Variants in RNF111 observed in about 807,000 individuals in gnomAD.
The protein encoded by RNF111 is ring finger protein 111, also known as E3 ubiquitin-protein ligase Arkadia.
Under a neutral mutation model 95.1 loss-of-function variants are expected in RNF111, and 17 were observed. The ratio of observed to expected loss-of-function variants is 0.18; its 90% CI spans 0.12 to 0.27. The LOEUF (loss-of-function observed/expected upper bound fraction) is 0.27. Ranked by LOEUF, RNF111 falls within the 10% of genes least tolerant of loss-of-function variation. The pLI is 1.00. For missense variants in RNF111, 1,189 were observed against 1,210.4 expected (o/e 0.98, Z 0.26); for synonymous variants, 440 against 414.8 (o/e 1.06, Z -0.74).
At chr15:59,012,388 C>T (rs1459248504) in intron 1 of RNF111, among the ~76,000 whole-genome samples, 1 of 152,024 alleles carries the variant, frequency 6.6e-6, no homozygotes. Flanking sequence ...GCCTTTAGTG[C>T]TTTGAAGTAC....
At chr15:59,022,565 A>G (rs542095995) in intron 1 of RNF111, among the ~76,000 whole-genome samples, 1 of 152,300 alleles carries the variant, frequency 6.6e-6, no homozygotes, top group Non-Finnish European at 1.5e-5. Context: ...ATCTCCTCAC[A>G]TGGCTATCCC....
chr15:59,095,156 T>G lies in RNF111; in HGVS notation c.*256T>G. 2.8e-6 allele frequency: 1 copy of G among 363,026 alleles called. No homozygotes were observed. The highest frequency in any genetic ancestry group is 2.7e-5 in the South Asian group (1 of 36,852). 22.5% of individuals were successfully genotyped at this position (363,026 alleles called of 1,614,324 possible). A position where few individuals can be genotyped will look rare whatever the true frequency, so the allele number is the denominator to read the frequency against. On this transcript the variant is annotated 3_prime_UTR_variant, in exon 14 of 14. Coordinates refer to ENST00000348370, the MANE Select transcript of RNF111 (RefSeq NM_017610.8). ...CTGTATTTTTGCATGGTTCCTTGTATTGCATTTCTTTGCACATATTATGGG... is the reference window on the plus strand; with the variant it reads ...CTGTATTTTTGCATGGTTCCTTGTAGTGCATTTCTTTGCACATATTATGGG...
At chr15:59,075,810 T>C in intron 6 of RNF111, 144 bp from the exon 7 acceptor site, 1 of 831,674 alleles carries the variant, frequency 1.2e-6, no homozygotes, top group South Asian at 1.8e-5. Flanking sequence ...TGGTGCTCAC[T>C]GGTTCTTCAT....
chr15:59,076,209 C>T lies in RNF111; in HGVS notation c.1942C>T (p.Pro648Ser). The change falls in exon 7 of 14, where the codon CCC becomes TCC. Residue 648 changes from proline (P) to serine (S), a missense_variant. Physicochemically the swap from Pro to Ser is moderately conservative, Grantham distance 74 (BLOSUM62 -1). Coordinates refer to ENST00000348370, the MANE Select transcript of RNF111 (RefSeq NM_017610.8). ...SLSSCRHYMP[P>S]PYASLTRPLH... ...CTCATCATGTCGACATTACATGCCA[C>T]CCCCTTGTAAGTATATACTTAGTGG... 1 of 1,613,084 alleles carries T rather than the reference C, an allele frequency of 6.2e-7. No individual in the cohort carries two copies. Among genetic ancestry groups the T allele is most frequent in the Non-Finnish European group, 8.5e-7 (1 of 1,179,880 alleles).
At chr15:59,000,160 TC>T (rs2039259344) in intron 1 of RNF111, among the ~76,000 whole-genome samples, 1 of 137,508 alleles carries the variant, frequency 7.3e-6, no homozygotes, top group East Asian at 2.2e-4. Context: ...ATTTTTTTTT[TC>T]CCTTTTTTTT....
rs1375451126 is a variant in RNF111 at position 59,095,335 on chromosome 15, G to A, written c.*435G>A. 2 of 168,842 alleles carry A rather than the reference G, an allele frequency of 1.2e-5. No homozygotes were observed. The highest frequency in any genetic ancestry group is 1.3e-5 in the Non-Finnish European group (1 of 79,682). The allele number at this position is 168,842 out of a possible 1,614,324, so 10.5% of individuals were successfully genotyped here. ...AATCAATCATGTACTTTAGTTTAAT[G>A]TATAAAGATCCTCTAGAAAATGATA... On this transcript the variant is annotated 3_prime_UTR_variant, in exon 14 of 14. Transcript: ENST00000348370.
chr15:59,017,183 A>G (rs2040108880), intron 1 of RNF111, among the ~76,000 whole-genome samples: 2 of 148,212 alleles, frequency 1.3e-5, no homozygotes, highest in Non-Finnish European at 3.0e-5. Flanking sequence ...ATTGTCTTCT[A>G]CGAATCCGTT....
At chr15:59,060,510 C>T (rs2042388155) in intron 5 of RNF111, among the ~76,000 whole-genome samples, 2 of 152,066 alleles carry the variant, frequency 1.3e-5, no homozygotes, top group African/African-American at 4.8e-5. Flanking sequence ...GTGACACACA[C>T]CTTTAGTGCC....
intron 2 of RNF111, among the ~76,000 whole-genome samples, chr15:59,042,209 C>G (rs1031596469): frequency 3.3e-5 from 5 of 152,064 alleles, no homozygotes; most frequent in Non-Finnish European, 7.4e-5. Context: ...TCATTGCAAC[C>G]TCAGCCTCCC....
At chr15:59,054,113 A>G (rs543759429) in intron 3 of RNF111, among the ~76,000 whole-genome samples, 2 of 151,684 alleles carry the variant, frequency 1.3e-5, no homozygotes, top group African/African-American at 2.4e-5. Context: ...TTTTTTTTGT[A>G]TTTTTAGTAG....
At chr15:59,009,263 A>G (rs367819366) in intron 1 of RNF111, among the ~76,000 whole-genome samples, 26 of 151,934 alleles carry the variant, frequency 1.7e-4, no homozygotes, top group African/African-American at 5.5e-4. Flanking sequence ...CTGGCCACGT[A>G]TTTTACTTTT....
intron 1 of RNF111, among the ~76,000 whole-genome samples, chr15:59,002,007 G>A (rs1350361311): frequency 6.6e-6 from 1 of 152,210 alleles, no homozygotes; most frequent in Non-Finnish European, 1.5e-5. Context: ...TTCTTGTGAT[G>A]ACGGAAAATG....
intron 1 of RNF111, among the ~76,000 whole-genome samples, chr15:59,011,006 T>C (rs2039776109): frequency 6.6e-6 from 1 of 152,212 alleles, no homozygotes; most frequent in Non-Finnish European, 1.5e-5. Context: ...GTCATCGTTC[T>C]AGACAGATAG....
At chr15:59,046,183 CTTT>C (rs34047420) in intron 2 of RNF111, among the ~76,000 whole-genome samples, 1 of 142,950 alleles carries the variant, frequency 7.0e-6, no homozygotes. Context: ...CTATTTGCTG[CTTT>C]TTTTTTTTTT....
chr15:59,028,171 C>T (rs1567224248), intron 1 of RNF111, among the ~76,000 whole-genome samples: 1 of 152,158 alleles, frequency 6.6e-6, no homozygotes, highest in East Asian at 1.9e-4. Context: ...GATCCCCAGC[C>T]CTAGGTAACC....
At chr15:59,016,779 G>A (rs532120111) in intron 1 of RNF111, among the ~76,000 whole-genome samples, 1 of 152,258 alleles carries the variant, frequency 6.6e-6, no homozygotes, top group South Asian at 2.1e-4. Flanking sequence ...CCATGTACCA[G>A]TAGGTGAGTG....
intron 2 of RNF111, among the ~76,000 whole-genome samples, chr15:59,052,024 A>G (rs758515769): frequency 6.6e-6 from 1 of 152,168 alleles, no homozygotes; most frequent in Non-Finnish European, 1.5e-5. Context: ...TCTATATAAG[A>G]TCTTACAAAT....
At chr15:59,009,839 C>G (rs770497599) in intron 1 of RNF111, among the ~76,000 whole-genome samples, 1 of 152,064 alleles carries the variant, frequency 6.6e-6, no homozygotes, top group Non-Finnish European at 1.5e-5. Flanking sequence ...GTCTCTAGTC[C>G]CAGTTACCTG....
At chr15:59,027,721 T>A (rs1002124829) in intron 1 of RNF111, among the ~76,000 whole-genome samples, 3 of 142,422 alleles carry the variant, frequency 2.1e-5, no homozygotes, top group African/African-American at 7.9e-5. Flanking sequence ...TAAGACAGGG[T>A]TTCTTTTCAC....
Sources: gnomAD v4.1 joint callset for allele counts (sites outside exome capture counted in the v4.1 genomes callset) on GRCh38, gnomAD v4.1.1 for gene constraint, MANE v1.5 for transcripts, NCBI Gene and HGNC (gene_info 2026-07-23, HGNC 2026-07-21) for gene names.